The following PTPRO variants were observed in gnomAD, a reference collection of about 807,000 sequenced individuals.
PTPRO encodes the protein receptor-type tyrosine-protein phosphatase O.
PTPRO carries 62 observed loss-of-function variants against 145.2 expected under a neutral mutation model. That is an observed-to-expected ratio of 0.43 (90% CI 0.35 to 0.53). The LOEUF (loss-of-function observed/expected upper bound fraction) is 0.53, where lower values mean the gene tolerates loss of function less well. Among genes scored for constraint, PTPRO ranks in the 20% least tolerant of loss-of-function variants. PTPRO has a pLI of 0.01. For synonymous variants in PTPRO, 565 were observed against 514.7 expected (o/e 1.10, Z -1.32); for missense variants, 1,345 against 1,482.7 (o/e 0.91, Z 1.53).
chr12:15,577,667 G>T (rs1023144268), intron 19 of PTPRO, among the ~76,000 whole-genome samples: 4 of 152,026 alleles, frequency 2.6e-5, no homozygotes, highest in Non-Finnish European at 5.9e-5. Flanking sequence ...TTTTTGCCTC[G>T]CTTAGTAGTC....
chr12:15,406,533 A>C (rs1939652219), intron 1 of PTPRO, among the ~76,000 whole-genome samples: 1 of 152,198 alleles, frequency 6.6e-6, no homozygotes, highest in South Asian at 2.1e-4. Flanking sequence ...TTGGTGTTAT[A>C]GCCCCTTTAT....
chr12:15,438,069 C>T (rs1940650217), intron 1 of PTPRO, among the ~76,000 whole-genome samples: 1 of 152,130 alleles, frequency 6.6e-6, no homozygotes, highest in African/African-American at 2.4e-5. Flanking sequence ...CAATATAAAA[C>T]CTGTTGAAAG....
At chr12:15,549,765 T>A (rs554588303) in intron 14 of PTPRO, among the ~76,000 whole-genome samples, 2 of 152,330 alleles carry the variant, frequency 1.3e-5, no homozygotes, top group South Asian at 4.1e-4. Flanking sequence ...TCCTGGTTTG[T>A]TAGAGTCTGA....
intron 25 of PTPRO, among the ~76,000 whole-genome samples, chr12:15,589,969 C>T (rs542586478): frequency 1.3e-5 from 2 of 152,098 alleles, no homozygotes; most frequent in Non-Finnish European, 2.9e-5. Context: ...TGATTCAATA[C>T]ATTTGTCATT....
At chr12:15,507,598 A>G (rs1191229950) in intron 6 of PTPRO, among the ~76,000 whole-genome samples, 1 of 152,202 alleles carries the variant, frequency 6.6e-6, no homozygotes, top group African/African-American at 2.4e-5. Context: ...CAAGAGAACT[A>G]CGGTAGCATC....
chr12:15,393,705 A>G (rs1159087957), intron 1 of PTPRO, among the ~76,000 whole-genome samples: 2 of 152,004 alleles, frequency 1.3e-5, no homozygotes, highest in African/African-American at 4.8e-5. Context: ...CAGGACATCT[A>G]AAATCCTACC....
chr12:15,507,759 G>C (rs11056533), intron 6 of PTPRO, among the ~76,000 whole-genome samples: 73,163 of 152,052 alleles, frequency 0.48, 18,293 homozygotes, highest in African/African-American at 0.6. Flanking sequence ...CCAGTAGAGC[G>C]ACTTGCTCCT....
At chr12:15,515,346 C>A in intron 7 of PTPRO, 152 bp from the exon 8 acceptor site, 1 of 1,014,614 alleles carries the variant, frequency 9.9e-7, no homozygotes, top group African/African-American at 1.6e-5. Flanking sequence ...TATAAATCAT[C>A]CTAATTTTGG....
intron 1 of PTPRO, among the ~76,000 whole-genome samples, chr12:15,470,484 C>A (rs964869069): frequency 6.6e-6 from 1 of 151,642 alleles, no homozygotes; most frequent in African/African-American, 2.4e-5. Flanking sequence ...CACATAAAAT[C>A]TTGGCACTTC....
chr12:15,503,788 A>G, intron 5 of PTPRO, 120 bp from the exon 6 acceptor site: 1 of 716,958 alleles, frequency 1.4e-6, no homozygotes, highest in Non-Finnish European at 2.3e-6. Context: ...GTGTAATTGA[A>G]CTTGACAAAA....
intron 1 of PTPRO, among the ~76,000 whole-genome samples, chr12:15,472,266 C>G (rs1479357316): frequency 1.3e-5 from 2 of 152,170 alleles, no homozygotes; most frequent in Non-Finnish European, 2.9e-5. Context: ...TTGCAACACC[C>G]TCCTTACTGC....
At chr12:15,491,342 A>G (rs1383346480) in intron 2 of PTPRO, among the ~76,000 whole-genome samples, 1 of 152,240 alleles carries the variant, frequency 6.6e-6, no homozygotes, top group Non-Finnish European at 1.5e-5. Context: ...CTCAGAAAGA[A>G]GCAACTCAGC....
intron 1 of PTPRO, among the ~76,000 whole-genome samples, chr12:15,337,054 T>C (rs1187726329): frequency 6.6e-6 from 1 of 152,190 alleles, no homozygotes; most frequent in Non-Finnish European, 1.5e-5. Flanking sequence ...AAAGAATATT[T>C]TCCTTTCCAG....
chr12:15,442,580 A>G (rs1940798424), intron 1 of PTPRO, among the ~76,000 whole-genome samples: 1 of 152,180 alleles, frequency 6.6e-6, no homozygotes, highest in African/African-American at 2.4e-5. Context: ...ATATGATTCT[A>G]TACATTGACA....
intron 2 of PTPRO, among the ~76,000 whole-genome samples, chr12:15,494,618 T>TA (rs934413694): frequency 1.4e-4 from 22 of 152,074 alleles, no homozygotes; most frequent in African/African-American, 4.1e-4. Context: ...GAGGGAAACA[T>TA]AAAAAAAACA....
chr12:15,571,574 C>T (rs1339195487), intron 19 of PTPRO, among the ~76,000 whole-genome samples: 5 of 152,246 alleles, frequency 3.3e-5, no homozygotes, highest in Admixed American at 2.0e-4. Flanking sequence ...CCGTGAGCCA[C>T]GATGCCCAGC....
At chr12:15,390,267 T>C (rs1939151826) in intron 1 of PTPRO, among the ~76,000 whole-genome samples, 1 of 152,122 alleles carries the variant, frequency 6.6e-6, no homozygotes, top group South Asian at 2.1e-4. Flanking sequence ...CATGGTGTAT[T>C]AGTCTGTTTT....
chr12:15,586,749 G>C, intron 23 of PTPRO, 148 bp from the exon 24 acceptor site: 2 of 794,912 alleles, frequency 2.5e-6, no homozygotes, highest in Non-Finnish European at 4.1e-6. Flanking sequence ...TTTTATGCCA[G>C]ATATGGTGCT....
intron 19 of PTPRO, among the ~76,000 whole-genome samples, chr12:15,573,705 T>C (rs1477109548): frequency 6.6e-6 from 1 of 152,168 alleles, no homozygotes; most frequent in East Asian, 1.9e-4. Flanking sequence ...TCCAATTTAC[T>C]TCCTTCTTCA....
Sources: gnomAD v4.1 joint callset for allele counts (sites outside exome capture counted in the v4.1 genomes callset) on GRCh38, gnomAD v4.1.1 for gene constraint, MANE v1.5 for transcripts, NCBI Gene and HGNC (gene_info 2026-07-23, HGNC 2026-07-21) for gene names.